WDFY4: variants seen among roughly 807,000 people sequenced by gnomAD.
WDFY4 encodes the protein WDFY family member 4.
Under a neutral mutation model 351.9 loss-of-function variants are expected in WDFY4, and 169 were observed. That is an observed-to-expected ratio of 0.48 (90% CI 0.42 to 0.55). WDFY4 has a LOEUF of 0.55. Among genes scored for constraint, WDFY4 ranks in the 20% least tolerant of loss-of-function variants. The pLI is 0.00. For missense variants in WDFY4, 3,803 were observed against 3,935.6 expected (o/e 0.97, Z 0.90); for synonymous variants, 1,622 against 1,574.6 (o/e 1.03, Z -0.71).
At position 48,787,888 on chromosome 10, in the gene WDFY4, C is replaced by CT. The variant is rs1565198301; in HGVS notation, c.3809-640dup. ...TCTTCTTTCTTCTTTCTTTCTTCTT[C>CT]TTCTCCTTCTTCTTCTTCTTCTTCT... On this transcript the variant is annotated intron_variant, in intron 20 of 61. Coordinates refer to ENST00000325239, the MANE Select transcript of WDFY4 (RefSeq NM_001394531.1). 1.2e-3 allele frequency among the ~76,000 whole-genome samples: 85 copies of CT among 73,532 alleles called. 3 individuals are homozygous for CT. Among genetic ancestry groups the CT allele is most frequent in the East Asian group, 4.2e-3 (8 of 1,926 alleles). 48.2% of individuals were successfully genotyped at this position (73,532 alleles called of 152,430 possible).
chr10:48,723,697 G>T (rs1405026659), intron 5 of WDFY4, 130 bp downstream of exon 5: 1 of 1,280,874 alleles, frequency 7.8e-7, no homozygotes, highest in African/African-American at 1.5e-5. Context: ...CTCCCAGAGG[G>T]TCTAACCTCC....
chr10:48,963,781 C>A (rs2131807017), intron 53 of WDFY4, 61 bp from the exon 54 acceptor site: 1 of 1,484,138 alleles, frequency 6.7e-7, no homozygotes, highest in South Asian at 1.2e-5. Flanking sequence ...CCAATCTGTG[C>A]AGCGAGTGCA....
At chr10:48,969,343 A>G (rs535051764) in intron 56 of WDFY4, 95 bp downstream of exon 56, 21 of 1,406,794 alleles carry the variant, frequency 1.5e-5, no homozygotes, top group Admixed American at 2.1e-5. Flanking sequence ...GTCCAAAGCA[A>G]CCTCGCTCAC....
chr10:48,763,091 C>T (rs908621289), intron 13 of WDFY4, among the ~76,000 whole-genome samples: 3 of 152,246 alleles, frequency 2.0e-5, no homozygotes, highest in African/African-American at 7.2e-5. Context: ...CTTACATTCT[C>T]TGGCTTGGTA....
intron 31 of WDFY4, among the ~76,000 whole-genome samples, chr10:48,815,944 A>G (rs2067606533): frequency 6.6e-6 from 1 of 152,196 alleles, no homozygotes; most frequent in Non-Finnish European, 1.5e-5. Context: ...TGCTAATATT[A>G]TATAAAAAAG....
At chr10:48,794,077 A>G (rs983312966) in intron 23 of WDFY4, among the ~76,000 whole-genome samples, 5 of 152,154 alleles carry the variant, frequency 3.3e-5, no homozygotes, top group Admixed American at 6.6e-5. Flanking sequence ...TGTGCATGGC[A>G]TACCGAATGG....
In WDFY4 at chr10:48,733,762, C is replaced by A. The variant is rs148702919; in HGVS notation, c.1583-169C>A. On this transcript the variant is annotated intron_variant, in intron 9 of 61. Coordinates refer to ENST00000325239, the MANE Select transcript of WDFY4 (RefSeq NM_001394531.1). ...GCTGATGTGCTCAAAATGGAGAACC[C>A]CTGCTGTAGGGGTAACAGCCTTCTA... 5.7e-3 allele frequency among the ~76,000 whole-genome samples: 868 copies of A among 152,320 alleles called. 6 individuals carry two copies. The highest frequency in any genetic ancestry group is 0.019 in the African/African-American group (796 of 41,576).
intron 39 of WDFY4, among the ~76,000 whole-genome samples, chr10:48,860,467 CTT>C (rs1462816684): frequency 6.6e-6 from 1 of 152,144 alleles, no homozygotes; most frequent in Non-Finnish European, 1.5e-5. Flanking sequence ...GCTCTGGTGT[CTT>C]TTCCTTTTCT....
At chr10:48,960,850 T>G (rs1468945682) in intron 53 of WDFY4, among the ~76,000 whole-genome samples, 1 of 152,204 alleles carries the variant, frequency 6.6e-6, no homozygotes, top group Non-Finnish European at 1.5e-5. Context: ...GATTTTTATA[T>G]ACAGGCATGA....
chr10:48,787,807 C>T (rs61838435), intron 20 of WDFY4, among the ~76,000 whole-genome samples: 3,649 of 76,576 alleles, frequency 0.048, 273 homozygotes, highest in African/African-American at 0.11. Context: ...CCTCCTCCTC[C>T]TCTTCTTCTT....
At chr10:48,698,711 G>A (rs1178091392) in intron 1 of WDFY4, among the ~76,000 whole-genome samples, 1 of 152,178 alleles carries the variant, frequency 6.6e-6, no homozygotes, top group Non-Finnish European at 1.5e-5. Flanking sequence ...AAGTTGTACT[G>A]GTTCAATAAA....
At chr10:48,976,641 C>CTGTA (rs1842581060) in intron 58 of WDFY4, 156 bp from the exon 59 acceptor site, 2 of 532,182 alleles carry the variant, frequency 3.8e-6, no homozygotes, top group Admixed American at 4.3e-5. Context: ...CACAGCAGAC[C>CTGTA]TGTAAGTCAG....
intron 1 of WDFY4, among the ~76,000 whole-genome samples, chr10:48,698,800 C>A (rs1470252658): frequency 2.0e-5 from 3 of 152,102 alleles, no homozygotes; most frequent in African/African-American, 7.2e-5. Context: ...CCGAGGCTCT[C>A]CAGAGAAACA....
intron 3 of WDFY4, among the ~76,000 whole-genome samples, chr10:48,720,900 T>C (rs1230289931): frequency 6.6e-6 from 1 of 152,132 alleles, no homozygotes. Flanking sequence ...TTGCTCAGCA[T>C]GGTGTAGATT....
At chr10:48,906,335 G>T (rs1032502112) in intron 47 of WDFY4, among the ~76,000 whole-genome samples, 60 of 149,686 alleles carry the variant, frequency 4.0e-4, no homozygotes, top group African/African-American at 1.3e-3. Flanking sequence ...ACCAGAGTTT[G>T]CTGAGGCTTT....
intron 13 of WDFY4, among the ~76,000 whole-genome samples, chr10:48,767,384 T>A (rs1419979128): frequency 6.6e-6 from 1 of 152,214 alleles, no homozygotes; most frequent in African/African-American, 2.4e-5. Flanking sequence ...TCGTGGTATA[T>A]AAAATTCTGA....
At chr10:48,978,518 A>T in intron 60 of WDFY4, 125 bp downstream of exon 60, 3 of 838,940 alleles carry the variant, frequency 3.6e-6, no homozygotes, top group Non-Finnish European at 5.3e-6. Flanking sequence ...AGGCCTAGGA[A>T]GGCACAGAGA....
At chr10:48,742,527 G>C (rs955966144) in intron 11 of WDFY4, among the ~76,000 whole-genome samples, 2 of 152,212 alleles carry the variant, frequency 1.3e-5, no homozygotes, top group African/African-American at 4.8e-5. Context: ...TGTGTGCTGT[G>C]TTCCACAGTA....
intron 40 of WDFY4, among the ~76,000 whole-genome samples, chr10:48,872,645 A>G (rs1589788898): frequency 1.3e-5 from 2 of 152,372 alleles, no homozygotes; most frequent in African/African-American, 4.8e-5. Flanking sequence ...TCTACTGTGC[A>G]AACTGAACTG....
Sources: allele counts gnomAD v4.1 joint callset (sites outside exome capture counted in the v4.1 genomes callset), GRCh38; gene constraint gnomAD v4.1.1; transcripts MANE v1.5; gene names NCBI Gene and HGNC (gene_info 2026-07-23, HGNC 2026-07-21).